IPCEF1: variants seen among roughly 807,000 people sequenced by gnomAD.
IPCEF1 encodes the protein interaction protein for cytohesin exchange factors 1.
In IPCEF1, 31 loss-of-function variants were observed where a neutral mutation model predicts 50.9. The ratio of observed to expected loss-of-function variants is 0.61; its 90% CI spans 0.46 to 0.82. The LOEUF is 0.82. Among genes scored for constraint, IPCEF1 ranks in the 40% least tolerant of loss-of-function variants. The pLI, the probability that IPCEF1 is intolerant of heterozygous loss-of-function variation, is 0.00. For missense variants in IPCEF1, 458 were observed against 514.0 expected, an observed-to-expected ratio of 0.89 and a Z score of 1.05; for synonymous variants, 181 against 192.0, an observed-to-expected ratio of 0.94 and a Z score of 0.47.
At chr6:154,266,182 T>C (rs1442128033) in intron 2 of IPCEF1, among the ~76,000 whole-genome samples, 4 of 151,974 alleles carry the variant, frequency 2.6e-5, no homozygotes, top group Admixed American at 6.6e-5. Flanking sequence ...AGGCCAGTAG[T>C]TCAAGACCAG....
intron 5 of IPCEF1, among the ~76,000 whole-genome samples, chr6:154,236,691 C>T (rs1780162496): frequency 6.6e-6 from 1 of 152,120 alleles, no homozygotes; most frequent in Admixed American, 6.6e-5. Context: ...TAATGAGCAC[C>T]ATCTCTTTCA....
At chr6:154,327,447 CA>C (rs1161802832) in intron 1 of IPCEF1, among the ~76,000 whole-genome samples, 2 of 151,936 alleles carry the variant, frequency 1.3e-5, no homozygotes, top group African/African-American at 2.4e-5. Flanking sequence ...TACATGTGGC[CA>C]AAAAACATAT....
intron 3 of IPCEF1, among the ~76,000 whole-genome samples, chr6:154,249,859 G>A (rs796150236): frequency 2.6e-5 from 4 of 151,704 alleles, no homozygotes; most frequent in African/African-American, 9.7e-5. Flanking sequence ...TGCCTAGGAT[G>A]GGATGAGAAC....
intron 1 of IPCEF1, among the ~76,000 whole-genome samples, chr6:154,339,213 T>G (rs549623490): frequency 6.6e-6 from 1 of 152,308 alleles, no homozygotes; most frequent in South Asian, 2.1e-4. Context: ...GATCATATTT[T>G]CTGAATCTCA....
At chr6:154,337,993 C>A (rs972156566) in intron 1 of IPCEF1, among the ~76,000 whole-genome samples, 1 of 152,208 alleles carries the variant, frequency 6.6e-6, no homozygotes, top group Non-Finnish European at 1.5e-5. Flanking sequence ...CTGTCCAAAG[C>A]CATCCTACTA....
rs534987246 is a variant in IPCEF1, at chr6:154,246,054, A to C, written c.246+537T>G. Among the ~76,000 whole-genome samples, 7 of 152,332 alleles carry C rather than the reference A, an allele frequency of 4.6e-5. No individual in the cohort carries two copies. The South Asian group carries it at 1.5e-3, about 32-fold the overall frequency. On this transcript the variant is annotated intron_variant, in intron 5 of 11. Coordinates refer to ENST00000367220, the MANE Select transcript of IPCEF1 (RefSeq NM_001130700.2). ...CAGGGGACAAGAGGTGACAGTCGCCAATGCAAAGCTGGCATAGGGGTTAGC... is the reference window on the plus strand; with the variant it reads ...CAGGGGACAAGAGGTGACAGTCGCCCATGCAAAGCTGGCATAGGGGTTAGC...
intron 2 of IPCEF1, among the ~76,000 whole-genome samples, chr6:154,276,099 G>A (rs558984403): frequency 1.3e-5 from 2 of 152,060 alleles, no homozygotes; most frequent in East Asian, 3.9e-4. Flanking sequence ...CAGGAGAATC[G>A]CTTGAACCTG....
chr6:154,323,202 CGA>C (rs1783435269), intron 1 of IPCEF1, among the ~76,000 whole-genome samples: 1 of 152,124 alleles, frequency 6.6e-6, no homozygotes, highest in African/African-American at 2.4e-5. Context: ...TCCACGTGCA[CGA>C]GGGACTAGAA....
At chr6:154,263,230 C>CTT (rs10701125) in intron 3 of IPCEF1, among the ~76,000 whole-genome samples, 24,859 of 147,810 alleles carry the variant, frequency 0.17, 2,921 homozygotes, top group East Asian at 0.64. Context: ...GTAAATGAGT[C>CTT]TTTTTTTTTT....
chr6:154,316,665 A>T (rs1783227477), intron 1 of IPCEF1, among the ~76,000 whole-genome samples: 2 of 152,234 alleles, frequency 1.3e-5, no homozygotes, highest in Non-Finnish European at 1.5e-5. Context: ...TCAATGAAAC[A>T]GGAGAAATAA....
chr6:154,195,584 G>A lies in IPCEF1; in HGVS notation c.910+4084C>T, dbSNP rs189741786. Among the ~76,000 whole-genome samples the A allele has an allele frequency of 2.5e-3, 374 of 151,922 alleles. 5 individuals carry two copies. Among genetic ancestry groups the A allele is most frequent in the Non-Finnish European group, 2.5e-3 (167 of 67,920 alleles). ...TGTCCTTTCCATCCCCTTTACCCAC[G>A]CCTCCCTTCTCCATGTACATATCTT... On this transcript the variant is annotated intron_variant, in intron 10 of 11. Coordinates refer to ENST00000367220, the MANE Select transcript of IPCEF1 (RefSeq NM_001130700.2).
chr6:154,321,859 G>A (rs1052780908), intron 1 of IPCEF1, among the ~76,000 whole-genome samples: 3 of 144,210 alleles, frequency 2.1e-5, no homozygotes, highest in Admixed American at 1.4e-4. Context: ...TAATTCTCAA[G>A]TCTTTTCATG....
chr6:154,337,226 T>G (rs557856164), intron 1 of IPCEF1, among the ~76,000 whole-genome samples: 222 of 152,186 alleles, frequency 1.5e-3, no homozygotes, highest in Non-Finnish European at 2.6e-3. Flanking sequence ...CATTTGTAAT[T>G]TAGAAGGAGA....
chr6:154,164,163 A>G (rs1261454305), intron 11 of IPCEF1, among the ~76,000 whole-genome samples: 1 of 152,208 alleles, frequency 6.6e-6, no homozygotes, highest in Non-Finnish European at 1.5e-5. Flanking sequence ...AATTTTTCAT[A>G]TTAAAAAATT....
At chr6:154,287,968 C>A (rs569599266) in intron 2 of IPCEF1, among the ~76,000 whole-genome samples, 3 of 152,350 alleles carry the variant, frequency 2.0e-5, no homozygotes, top group Admixed American at 6.5e-5. Flanking sequence ...AGACATCTTA[C>A]TGCCTGACTC....
At chr6:154,262,553 A>G (rs949804849) in intron 3 of IPCEF1, among the ~76,000 whole-genome samples, 1 of 152,196 alleles carries the variant, frequency 6.6e-6, no homozygotes, top group Non-Finnish European at 1.5e-5. Context: ...TTGTTAATTT[A>G]AAACACTTAA....
rs1801604735 is a variant in IPCEF1 at position 154,188,762 on chromosome 6, G to A, written c.910+10906C>T. On this transcript the variant is annotated intron_variant, in intron 10 of 11. Transcript: ENST00000367220. Reference sequence around the variant, plus strand: ...ACTGAAGACTCATGTGGATGTTTGGGAGAAAAATGGCGTGTACAGAAATGA... The same window carrying A: ...ACTGAAGACTCATGTGGATGTTTGGAAGAAAAATGGCGTGTACAGAAATGA... 2.0e-5 allele frequency among the ~76,000 whole-genome samples: 3 copies of A among 152,214 alleles called. No individual in the cohort carries two copies. The South Asian group carries it at 6.2e-4, about 31-fold the overall frequency.
chr6:154,345,122 G>C (rs951024764), intron 1 of IPCEF1, among the ~76,000 whole-genome samples: 1 of 152,180 alleles, frequency 6.6e-6, no homozygotes, highest in African/African-American at 2.4e-5. Flanking sequence ...CACCCGCCTT[G>C]GCCTCCCAAA....
At chr6:154,207,082 A>T (rs1777559736) in intron 9 of IPCEF1, among the ~76,000 whole-genome samples, 1 of 152,214 alleles carries the variant, frequency 6.6e-6, no homozygotes, top group South Asian at 2.1e-4. Flanking sequence ...GACTAGAGAC[A>T]GGGAAAGAAA....
Sources: gnomAD v4.1 joint callset for allele counts (sites outside exome capture counted in the v4.1 genomes callset) on GRCh38, gnomAD v4.1.1 for gene constraint, MANE v1.5 for transcripts, NCBI Gene and HGNC (gene_info 2026-07-23, HGNC 2026-07-21) for gene names.